The following BIRC6 variants were observed in gnomAD, a reference collection of about 807,000 sequenced individuals.
BIRC6 encodes dual E2 ubiquitin-conjugating enzyme/E3 ubiquitin-protein ligase BIRC6.
A neutral mutation model predicts 503.3 loss-of-function variants in BIRC6; 98 were observed. The ratio of observed to expected loss-of-function variants is 0.19; its 90% CI spans 0.17 to 0.23. The LOEUF (loss-of-function observed/expected upper bound fraction) is 0.23. Ranked by LOEUF, BIRC6 falls within the 10% of genes least tolerant of loss-of-function variation. BIRC6 has a pLI of 1.00. For synonymous variants in BIRC6, 2,240 were observed against 2,078.7 expected (o/e 1.08, Z -2.11); for missense variants, 5,360 against 5,806.0 (o/e 0.92, Z 2.50).
chr2:32,539,392 G>T (rs1197114239), intron 61 of BIRC6, among the ~76,000 whole-genome samples: 4 of 152,198 alleles, frequency 2.6e-5, no homozygotes, highest in Non-Finnish European at 5.9e-5. Flanking sequence ...ACTACAGGAT[G>T]TACTTCTTTC....
chr2:32,582,799 T>A (rs919791262), intron 66 of BIRC6, among the ~76,000 whole-genome samples: 5 of 152,094 alleles, frequency 3.3e-5, no homozygotes, highest in African/African-American at 1.2e-4. Flanking sequence ...AATGACTGCT[T>A]AAAGAAGGAA....
chr2:32,407,247 A>C (rs1184213757), intron 9 of BIRC6, among the ~76,000 whole-genome samples: 1 of 152,096 alleles, frequency 6.6e-6, no homozygotes, highest in Non-Finnish European at 1.5e-5. Context: ...GGAGTTCGAG[A>C]CCAGCCTGGC....
In BIRC6 at chr2:32,467,743, A is replaced by G; in HGVS notation, c.5571+4A>G. On this transcript the variant is annotated splice_donor_region_variant and intron_variant, in intron 27 of 73. Transcript: ENST00000421745. Reference sequence around the variant, plus strand: ...TCCCGTGTGCAGATTCATGAAGGTAAAGAACTTTAAGAAAGTAAATTGATA... The same window carrying G: ...TCCCGTGTGCAGATTCATGAAGGTAGAGAACTTTAAGAAAGTAAATTGATA... The G allele has an allele frequency of 6.2e-7, 1 of 1,605,612 alleles. No homozygotes were observed.
At position 32,545,864 on chromosome 2, in the gene BIRC6, G is replaced by C; in HGVS notation, c.12810+4G>C. Reference sequence around the variant, plus strand: ...CTCTAGCGTGAATCAAACTGAGGTAGGTTCACTTTTAATTATTTCAGTTAT... The same window carrying C: ...CTCTAGCGTGAATCAAACTGAGGTACGTTCACTTTTAATTATTTCAGTTAT... On this transcript the variant is annotated splice_donor_region_variant and intron_variant, in intron 63 of 73. Transcript: ENST00000421745. 2 of 1,608,500 alleles carry C rather than the reference G, an allele frequency of 1.2e-6. No individual in the cohort carries two copies. The highest frequency in any genetic ancestry group is 2.2e-5 in the South Asian group (2 of 90,900).
chr2:32,359,007 G>A (rs550380044), intron 1 of BIRC6, among the ~76,000 whole-genome samples: 2 of 152,264 alleles, frequency 1.3e-5, no homozygotes, highest in Admixed American at 1.3e-4. Context: ...GGTATGAAGA[G>A]TAATTACAGT....
intron 23 of BIRC6, 25 bp downstream of exon 23, chr2:32,453,967 T>A: frequency 6.4e-6 from 10 of 1,567,566 alleles, no homozygotes; most frequent in Non-Finnish European, 8.7e-6. Context: ...ATATACCTTC[T>A]TTTATTATAT....
rs147666689 is a variant in BIRC6 at position 32,534,459 on chromosome 2, G to A, written c.12291+2908G>A. ...CAAAAGAAATCATTCGGCTTGGCGCGGCAGCTAATGCCTGTAATCCCAGCA... is the reference window on the plus strand; with the variant it reads ...CAAAAGAAATCATTCGGCTTGGCGCAGCAGCTAATGCCTGTAATCCCAGCA... On this transcript the variant is annotated intron_variant, in intron 61 of 73. Coordinates refer to ENST00000421745, the MANE Select transcript of BIRC6 (RefSeq NM_016252.4). 1.3e-3 allele frequency among the ~76,000 whole-genome samples: 199 copies of A among 148,696 alleles called. 1 individual carries two copies. Among genetic ancestry groups the A allele is most frequent in the African/African-American group, 4.7e-3 (192 of 40,458 alleles).
At chr2:32,504,421 A>G (rs1572672205) in intron 49 of BIRC6, among the ~76,000 whole-genome samples, 3 of 151,948 alleles carry the variant, frequency 2.0e-5, no homozygotes, top group African/African-American at 2.4e-5. Context: ...TAATCCCAGC[A>G]CTTTGGGTGG....
intron 46 of BIRC6, among the ~76,000 whole-genome samples, chr2:32,500,820 G>A (rs1464225687): frequency 6.6e-6 from 1 of 151,868 alleles, no homozygotes; most frequent in Non-Finnish European, 1.5e-5. Context: ...GGGCAAGCTG[G>A]TCTTGAACTC....
intron 60 of BIRC6, among the ~76,000 whole-genome samples, chr2:32,530,377 ATTTTTGTAT>A (rs926466235): frequency 1.3e-5 from 2 of 151,816 alleles, no homozygotes; most frequent in Non-Finnish European, 2.9e-5. Flanking sequence ...TGCCTGGCTA[ATTTTTGTAT>A]TTTTTGTAGA....
intron 63 of BIRC6, among the ~76,000 whole-genome samples, chr2:32,547,494 G>A (rs1200095018): frequency 3.3e-5 from 5 of 152,084 alleles, no homozygotes; most frequent in Non-Finnish European, 7.3e-5. Context: ...CTTTCATTTA[G>A]TATAATGTTT....
intron 50 of BIRC6, among the ~76,000 whole-genome samples, chr2:32,506,823 A>G (rs1403777454): frequency 6.6e-6 from 1 of 152,194 alleles, no homozygotes; most frequent in African/African-American, 2.4e-5. Flanking sequence ...GGGAGCGTGG[A>G]TTACTTAATC....
intron 50 of BIRC6, among the ~76,000 whole-genome samples, chr2:32,506,340 A>G (rs1038750952): frequency 6.6e-6 from 1 of 152,210 alleles, no homozygotes; most frequent in Non-Finnish European, 1.5e-5. Flanking sequence ...ATTTTTTTCT[A>G]TGTGTTTGCA....
chr2:32,431,129 C>G, intron 12 of BIRC6, 39 bp downstream of exon 12: 1 of 1,229,826 alleles, frequency 8.1e-7, no homozygotes, highest in Non-Finnish European at 1.1e-6. Flanking sequence ...TTAAGTCCAT[C>G]TTGTGTATTT....
At chr2:32,464,275 C>G (rs1056247659) in intron 24 of BIRC6, among the ~76,000 whole-genome samples, 1 of 152,194 alleles carries the variant, frequency 6.6e-6, no homozygotes, top group African/African-American at 2.4e-5. Context: ...CTTTTCACCA[C>G]TACCTTGAAA....
chr2:32,603,715 C>G (rs1193290926), intron 71 of BIRC6, among the ~76,000 whole-genome samples: 1 of 151,958 alleles, frequency 6.6e-6, no homozygotes, highest in Non-Finnish European at 1.5e-5. Flanking sequence ...CAGAGGGAGA[C>G]TCTATCTAAA....
At chr2:32,507,509 C>G (rs112169557) in intron 50 of BIRC6, among the ~76,000 whole-genome samples, 3 of 152,234 alleles carry the variant, frequency 2.0e-5, no homozygotes, top group African/African-American at 7.2e-5. Flanking sequence ...TTAAAAAAAT[C>G]ACAATCTAGT....
At chr2:32,510,432 C>T in intron 52 of BIRC6, 94 bp from the exon 53 acceptor site, 1 of 768,720 alleles carries the variant, frequency 1.3e-6, no homozygotes, top group East Asian at 2.5e-5. Flanking sequence ...ATGGAAGCCT[C>T]ATTTTTAATG....
intron 65 of BIRC6, 196 bp from the exon 66 acceptor site, chr2:32,574,960 C>T: frequency 1.7e-6 from 1 of 595,166 alleles, no homozygotes; most frequent in Non-Finnish European, 3.0e-6. Flanking sequence ...GTTGGTCAGG[C>T]TGGTCTCGAA....
Sources: gnomAD v4.1 joint callset for allele counts (sites outside exome capture counted in the v4.1 genomes callset) on GRCh38, gnomAD v4.1.1 for gene constraint, MANE v1.5 for transcripts, NCBI Gene and HGNC (gene_info 2026-07-23, HGNC 2026-07-21) for gene names.